Variants in PEPD observed in about 807,000 individuals in gnomAD.
The protein encoded by PEPD is peptidase D.
In PEPD, 53 loss-of-function variants were observed where a neutral mutation model predicts 60.7. The observed-to-expected ratio is 0.87, with a 90% CI of 0.70 to 1.10. The LOEUF (loss-of-function observed/expected upper bound fraction) is 1.10, where lower values mean the gene tolerates loss of function less well. Ranked by LOEUF, PEPD falls within the 50% of genes least tolerant of loss-of-function variation. PEPD has a pLI of 0.00. For missense variants in PEPD, 711 were observed against 711.9 expected, an observed-to-expected ratio of 1.00 and a Z score of 0.01; for synonymous variants, 267 against 284.1, an observed-to-expected ratio of 0.94 and a Z score of 0.60.
At chr19:33,491,369 G>A (rs1422330112) in intron 5 of PEPD, among the ~76,000 whole-genome samples, 1 of 152,156 alleles carries the variant, frequency 6.6e-6, no homozygotes, top group Non-Finnish European at 1.5e-5. Flanking sequence ...AGAATTGCTT[G>A]AACCCGGGAG....
intron 9 of PEPD, among the ~76,000 whole-genome samples, chr19:33,429,493 C>T (rs1040213052): frequency 1.3e-5 from 2 of 152,098 alleles, no homozygotes; most frequent in African/African-American, 4.8e-5. Context: ...ATATAAAAGA[C>T]GAAACCATGT....
intron 9 of PEPD, among the ~76,000 whole-genome samples, chr19:33,460,098 C>T (rs946333650): frequency 1.3e-5 from 2 of 152,212 alleles, no homozygotes; most frequent in Non-Finnish European, 2.9e-5. Flanking sequence ...ACCAAAAACA[C>T]GGGCTTTAGA....
chr19:33,470,079 G>A (rs964865746), intron 7 of PEPD, among the ~76,000 whole-genome samples: 4 of 151,662 alleles, frequency 2.6e-5, no homozygotes, highest in South Asian at 4.2e-4. Context: ...CATCCTAGAC[G>A]CCCTCTCCCA....
At chr19:33,417,539 G>A (rs184981875) in intron 9 of PEPD, among the ~76,000 whole-genome samples, 157 of 152,314 alleles carry the variant, frequency 1.0e-3, no homozygotes, top group East Asian at 4.6e-3. Flanking sequence ...TGGCCTCTCC[G>A]TGCCTCAGTT....
chr19:33,446,891 C>CT (rs1448696695), intron 9 of PEPD, among the ~76,000 whole-genome samples: 2 of 152,216 alleles, frequency 1.3e-5, no homozygotes, highest in Non-Finnish European at 2.9e-5. Context: ...CATCTAGCCC[C>CT]TCTTATCTTG....
chr19:33,417,292 C>T (rs956828559), intron 9 of PEPD, among the ~76,000 whole-genome samples: 7 of 152,134 alleles, frequency 4.6e-5, no homozygotes, highest in South Asian at 2.1e-4. Flanking sequence ...GAGGCTGGGC[C>T]GGAAACAGAA....
At chr19:33,403,354 G>A (rs1284104600) in intron 11 of PEPD, among the ~76,000 whole-genome samples, 1 of 152,222 alleles carries the variant, frequency 6.6e-6, no homozygotes, top group Admixed American at 6.5e-5. Context: ...AGAGCCAGGA[G>A]GGCTGAGGAA....
In PEPD at chr19:33,451,528, A is replaced by G. The variant is rs369601597; in HGVS notation, c.671+11467T>C. Among the ~76,000 whole-genome samples the G allele has an allele frequency of 6.6e-5, 10 of 152,214 alleles. No homozygotes were observed. The East Asian group carries it at 1.7e-3, about 26-fold the overall frequency. The stretch of plus-strand genomic sequence containing the variant: ...ATAGAAAAACTTTTTTAAAGCCACA[A>G]AGGAAAAAACAGAAACCAGAAAACA... On this transcript the variant is annotated intron_variant, in intron 9 of 14. Transcript: ENST00000244137.
Position 33,480,295 on chromosome 19 carries a change from T to G in PEPD, c.504-2205A>C, listed in dbSNP as rs546375866. On this transcript the variant is annotated intron_variant, in intron 6 of 14. Transcript: ENST00000244137. The stretch of plus-strand genomic sequence containing the variant: ...TAAGCCCTAAGATACAAAGTTTTAC[T>G]AAAGACAAAGAAGGGCATTTTATAA... Among the ~76,000 whole-genome samples the G allele has an allele frequency of 2.0e-5, 3 of 152,272 alleles. No homozygotes were observed. The East Asian group carries it at 5.8e-4, about 29-fold the overall frequency.
At chr19:33,432,010 A>AAAAAAAAAAAAAAAAAAAG (rs1031542443) in intron 9 of PEPD, among the ~76,000 whole-genome samples, 74 of 147,586 alleles carry the variant, frequency 5.0e-4, no homozygotes, top group African/African-American at 1.5e-3. Context: ...AAAAAAAAAA[A>AAAAAAAAAAAAAAAAAAAG]GGGAAGATTA....
intron 9 of PEPD, among the ~76,000 whole-genome samples, chr19:33,415,530 T>C (rs558432864): frequency 6.6e-6 from 1 of 151,938 alleles, no homozygotes; most frequent in South Asian, 2.1e-4. Context: ...AATCAATCAA[T>C]ACAAGAAAAA....
At position 33,427,057 on chromosome 19, in the gene PEPD, C is replaced by T. The variant is rs377592471; in HGVS notation, c.672-13414G>A. Among the ~76,000 whole-genome samples the T allele has an allele frequency of 4.9e-4, 75 of 152,348 alleles. 1 individual carries two copies. The South Asian group carries it at 8.1e-3, about 16-fold the overall frequency. On this transcript the variant is annotated intron_variant, in intron 9 of 14. Coordinates refer to ENST00000244137, the MANE Select transcript of PEPD (RefSeq NM_000285.4). ...TAATGAGCCTTTCCATCCTCACTCA[C>T]GACTCCAAACGTTATTTTAGTCACA... is the stretch of plus-strand genomic sequence containing the variant.
chr19:33,443,255 T>C (rs1568473829), intron 9 of PEPD, among the ~76,000 whole-genome samples: 1 of 152,222 alleles, frequency 6.6e-6, no homozygotes, highest in Non-Finnish European at 1.5e-5. Flanking sequence ...GTGCTTCATT[T>C]TAAAAATTAC....
chr19:33,476,892 T>C (rs1970226884), intron 7 of PEPD, among the ~76,000 whole-genome samples: 1 of 152,086 alleles, frequency 6.6e-6, no homozygotes, highest in Admixed American at 6.5e-5. Flanking sequence ...CTCGATCTCC[T>C]GACCTCATGA....
At chr19:33,463,097 G>C (rs377682480) in intron 8 of PEPD, 56 bp from the exon 9 acceptor site, 2 of 1,050,580 alleles carry the variant, frequency 1.9e-6, no homozygotes, top group Non-Finnish European at 3.0e-6. Context: ...GTAACACAGC[G>C]TGATAAATAA....
intron 4 of PEPD, among the ~76,000 whole-genome samples, chr19:33,495,093 G>A (rs960004537): frequency 2.6e-5 from 4 of 151,478 alleles, no homozygotes; most frequent in East Asian, 3.9e-4. Flanking sequence ...CCAAGACTGC[G>A]CCACTGCACT....
At chr19:33,455,501 T>C (rs892512373) in intron 9 of PEPD, among the ~76,000 whole-genome samples, 2 of 151,718 alleles carry the variant, frequency 1.3e-5, no homozygotes, top group Non-Finnish European at 1.5e-5. Context: ...TTTGGCTTTT[T>C]TTTCTCTTTT....
chr19:33,507,435 G>A (rs1448792367), intron 3 of PEPD, among the ~76,000 whole-genome samples: 2 of 152,214 alleles, frequency 1.3e-5, no homozygotes, highest in African/African-American at 4.8e-5. Context: ...CAGGCCTGGG[G>A]TGAGGAGTGG....
At chr19:33,425,853 C>T (rs1389567516) in intron 9 of PEPD, among the ~76,000 whole-genome samples, 1 of 152,192 alleles carries the variant, frequency 6.6e-6, no homozygotes, top group Non-Finnish European at 1.5e-5. Flanking sequence ...TTGGGCAAGG[C>T]CTTTGGTTCA....
Sources: gnomAD v4.1 joint callset for allele counts (sites outside exome capture counted in the v4.1 genomes callset) on GRCh38, gnomAD v4.1.1 for gene constraint, MANE v1.5 for transcripts, NCBI Gene and HGNC (gene_info 2026-07-23, HGNC 2026-07-21) for gene names.